Variants in BOC observed in about 807,000 individuals in gnomAD.
The protein encoded by BOC is brother of CDO.
A neutral mutation model predicts 112.0 loss-of-function variants in BOC; 76 were observed. That is an observed-to-expected ratio of 0.68 (90% CI 0.56 to 0.82). The LOEUF is 0.82. Ranked by LOEUF, BOC falls within the 40% of genes least tolerant of loss-of-function variation. BOC has a pLI of 0.00. For missense variants in BOC, 1,309 were observed against 1,511.7 expected, an observed-to-expected ratio of 0.87 and a Z score of 2.22; for synonymous variants, 580 against 599.8, an observed-to-expected ratio of 0.97 and a Z score of 0.48.
Position 113,279,124 on chromosome 3 carries a change from G to A in BOC, c.1817-125G>A, listed in dbSNP as rs149056985. Reference sequence around the variant, plus strand: ...TGTGAACACCAGTGGGTGGAGGGCTGTGGGGAGGAGCGGGCCCGTCAGGAG... The same window carrying A: ...TGTGAACACCAGTGGGTGGAGGGCTATGGGGAGGAGCGGGCCCGTCAGGAG... On this transcript the variant is annotated intron_variant, in intron 11 of 19. Transcript: ENST00000682979. 9.6e-3 allele frequency: 9,430 copies of A among 981,806 alleles called. 77 individuals carry two copies. The highest frequency in any genetic ancestry group is 0.012 in the Non-Finnish European group (7,760 of 655,978). The allele number at this position is 981,806 out of a possible 1,614,324, so 60.8% of individuals were successfully genotyped here. A position where few individuals can be genotyped will look rare whatever the true frequency, so the allele number is the denominator to read the frequency against.
intron 2 of BOC, among the ~76,000 whole-genome samples, chr3:113,249,492 A>T (rs1945342086): frequency 6.6e-6 from 1 of 152,230 alleles, no homozygotes; most frequent in African/African-American, 2.4e-5. Flanking sequence ...TTACTACAAT[A>T]AAATCACCTT....
At chr3:113,269,581 G>C (rs1411616121) in intron 5 of BOC, 1 of 152,060 alleles carries the variant, frequency 6.6e-6, no homozygotes, top group African/African-American at 2.4e-5. Context: ...GATTTTAAGA[G>C]TTTTTATCAA....
chr3:113,281,568 C>A (rs558981308), intron 15 of BOC, among the ~76,000 whole-genome samples: 2 of 152,348 alleles, frequency 1.3e-5, no homozygotes, highest in South Asian at 4.1e-4. Flanking sequence ...AGGGGTAGAG[C>A]ATGCTTTGGG....
chr3:113,275,662 G>C (rs1439847007), intron 9 of BOC, among the ~76,000 whole-genome samples: 3 of 152,156 alleles, frequency 2.0e-5, no homozygotes, highest in Non-Finnish European at 2.9e-5. Flanking sequence ...ATGTGCACTT[G>C]ATGGAAAGCA....
intron 16 of BOC, among the ~76,000 whole-genome samples, chr3:113,283,843 C>T (rs1427504276): frequency 4.0e-5 from 6 of 151,844 alleles, no homozygotes; most frequent in African/African-American, 1.5e-4. Context: ...GGGCTGTCTT[C>T]TCTGCACCTT....
rs778320320 is a variant in BOC, at chr3:113,274,508, G to T, written c.1368G>T (p.Gly456=). 1.1e-5 allele frequency: 18 copies of T among 1,612,994 alleles called. No homozygotes were observed. The African/African-American group carries it at 1.3e-4, about 12-fold the overall frequency. The change falls in exon 9 of 20, where the codon GGG becomes GGT. Residue 456 remains glycine (G), a synonymous_variant. Coordinates refer to ENST00000682979, the MANE Select transcript of BOC (RefSeq NM_001378074.1). This position sits in a 1 kb window ranked among gnomAD's most constrained non-coding sequence, Gnocchi z 4.8. ...PALPRPPTSV[G]PASPQCPGEK... Reference sequence around the variant, plus strand: ...TCCCCAGACCCCCAACGTCAGTGGGGCCTGCTTCCCCGCAGTGTCCAGGAG... The same window carrying T: ...TCCCCAGACCCCCAACGTCAGTGGGTCCTGCTTCCCCGCAGTGTCCAGGAG...
At chr3:113,284,896 A>G in intron 18 of BOC, 38 bp downstream of exon 18, 1 of 1,581,530 alleles carries the variant, frequency 6.3e-7, no homozygotes, top group Non-Finnish European at 8.7e-7. Context: ...CAAGCCCCAC[A>G]GCCTCACTTT....
chr3:113,242,306 A>G (rs1944410486), intron 2 of BOC, among the ~76,000 whole-genome samples: 1 of 152,172 alleles, frequency 6.6e-6, no homozygotes, highest in African/African-American at 2.4e-5. Context: ...AACCCCCCAC[A>G]CTGTGGGTAG....
At position 113,274,529 on chromosome 3, in the gene BOC, A is replaced by G. The variant is rs1948464028; in HGVS notation, c.1389A>G (p.Pro463=). ...TGGGGCCTGCTTCCCCGCAGTGTCC[A>G]GGAGAGAAGGGGCAGGGGGCTCCCG... ...TSVGPASPQC[P]GEKGQGAPAE... Residue 463 remains proline (P), a synonymous_variant, in exon 9 of 20, where the codon CCA becomes CCG. Coordinates refer to ENST00000682979, the MANE Select transcript of BOC (RefSeq NM_001378074.1). This position sits in a 1 kb window ranked among gnomAD's most constrained non-coding sequence, Gnocchi z 4.8. The G allele has an allele frequency of 6.2e-7, 1 of 1,613,324 alleles. No homozygotes were observed. Among genetic ancestry groups the G allele is most frequent in the Admixed American group, 1.7e-5 (1 of 60,008 alleles).
intron 4 of BOC, among the ~76,000 whole-genome samples, chr3:113,265,192 C>G (rs1339903491): frequency 6.6e-6 from 1 of 152,160 alleles, no homozygotes; most frequent in Non-Finnish European, 1.5e-5. Flanking sequence ...TGGATAAGCC[C>G]TCAATTACAA....
chr3:113,260,534 G>T (rs747954663), intron 4 of BOC, among the ~76,000 whole-genome samples: 2 of 152,166 alleles, frequency 1.3e-5, no homozygotes, highest in South Asian at 4.1e-4. Flanking sequence ...GACCAGTACC[G>T]TTCCATGGTG....
chr3:113,258,035 G>C (rs1259282820), intron 4 of BOC, among the ~76,000 whole-genome samples: 2 of 152,190 alleles, frequency 1.3e-5, no homozygotes, highest in East Asian at 3.8e-4. Flanking sequence ...CCCATGAGTT[G>C]CCCGCCAGAA....
At chr3:113,250,196 C>T (rs982883904) in intron 3 of BOC, among the ~76,000 whole-genome samples, 1 of 152,172 alleles carries the variant, frequency 6.6e-6, no homozygotes, top group Non-Finnish European at 1.5e-5. Flanking sequence ...TTACACATAT[C>T]GTTTGCAAGA....
In BOC at chr3:113,285,544, T is replaced by C. The variant is rs778952998; in HGVS notation, c.3139T>C (p.Trp1047Arg). 2 of 1,593,846 alleles carry C rather than the reference T, an allele frequency of 1.3e-6. No homozygotes were observed. Among genetic ancestry groups the C allele is most frequent in the Non-Finnish European group, 1.7e-6 (2 of 1,169,438 alleles). ...APDSPVLEAV[W>R]DPPFHSGPPC... ...CGACAGTCCTGTCCTGGAAGCAGTGTGGGACCCTCCATTTCACTCAGGTTG... is the reference window on the plus strand; with the variant it reads ...CGACAGTCCTGTCCTGGAAGCAGTGCGGGACCCTCCATTTCACTCAGGTTG... Residue 1047 changes from tryptophan to arginine, a missense_variant, in exon 19 of 20, where the codon TGG becomes CGG. Trp to Arg is a moderately radical substitution (Grantham distance 101). Transcript: ENST00000682979.
Position 113,250,672 on chromosome 3 carries a change from G to A in BOC, c.215G>A (p.Gly72Glu). 1 of 1,614,186 alleles carries A rather than the reference G, an allele frequency of 6.2e-7. No individual in the cohort carries two copies. The highest frequency in any genetic ancestry group is 8.5e-7 in the Non-Finnish European group (1 of 1,180,038). The change falls in exon 4 of 20, where the codon GGA becomes GAA. Residue 72 changes from glycine (G) to glutamate (E), a missense_variant. Transcript: ENST00000682979. Reference protein sequence around the residue: ...PRMNVTWRLNGKELNGSDDAL... With the variant: ...PRMNVTWRLNEKELNGSDDAL... ...ATGAATGTAACCTGGCGCCTGAATG[G>A]AAAGGAGCTGAATGGCTCGGATGAT... is the stretch of plus-strand genomic sequence containing the variant.
chr3:113,273,987 C>T (rs1184164036), intron 8 of BOC, among the ~76,000 whole-genome samples: 5 of 152,174 alleles, frequency 3.3e-5, no homozygotes, highest in Non-Finnish European at 7.4e-5. Flanking sequence ...CACATGGTGC[C>T]GTGGTGTTAA....
rs1374230900 is a variant in BOC, at chr3:113,250,727, C to T, written c.270C>T (p.Thr90=). 6.2e-7 allele frequency: 1 copy of T among 1,614,128 alleles called. No homozygotes were observed. Among genetic ancestry groups the T allele is most frequent in the Admixed American group, 1.7e-5 (1 of 60,016 alleles). ...TGGGTGTCCTCATCACCCACGGGACCCTCGTCATCACTGCCCTTAACAACC... is the reference window on the plus strand; with the variant it reads ...TGGGTGTCCTCATCACCCACGGGACTCTCGTCATCACTGCCCTTAACAACC... ...DALGVLITHG[T]LVITALNNHT... The change falls in exon 4 of 20, where the codon ACC becomes ACT. Residue 90 remains threonine (T), a synonymous_variant. Transcript: ENST00000682979.
chr3:113,280,338 TTC>T (rs1465460736), intron 13 of BOC, among the ~76,000 whole-genome samples: 1 of 152,120 alleles, frequency 6.6e-6, no homozygotes, highest in Non-Finnish European at 1.5e-5. Flanking sequence ...AATTTGTTTC[TTC>T]TCTTCAAAAG....
At position 113,220,773 on chromosome 3, in the gene BOC, C is replaced by T. The variant is rs16860664; in HGVS notation, c.-82+4499C>T. ...GCTGCCTTTCCCAGCCTTGTGGGAT[C>T]GGGCAATGTAGGGTCTCAGGTCCAG... On this transcript the variant is annotated intron_variant, in intron 2 of 19. Coordinates refer to ENST00000682979, the MANE Select transcript of BOC (RefSeq NM_001378074.1). 6.4e-3 allele frequency among the ~76,000 whole-genome samples: 968 copies of T among 152,240 alleles called. 9 individuals are homozygous for T. Among genetic ancestry groups the T allele is most frequent in the African/African-American group, 0.022 (909 of 41,526 alleles).
Sources: gnomAD v4.1 joint callset for allele counts (sites outside exome capture counted in the v4.1 genomes callset) on GRCh38, gnomAD v4.1.1 for gene constraint, Gnocchi (gnomAD v3.1) non-coding constraint, MANE v1.5 for transcripts, NCBI Gene and HGNC (gene_info 2026-07-23, HGNC 2026-07-21) for gene names.